PSD2: variants seen among roughly 807,000 people sequenced by gnomAD.
PSD2 encodes PH and SEC7 domain-containing protein 2.
Under a neutral mutation model 69.8 loss-of-function variants are expected in PSD2, and 38 were observed. The observed-to-expected ratio is 0.54, with a 90% CI of 0.42 to 0.71. PSD2 has a LOEUF of 0.71. Ranked by LOEUF, PSD2 falls within the 30% of genes least tolerant of loss-of-function variation. The pLI, the probability that PSD2 is intolerant of heterozygous loss-of-function variation, is 0.00. For synonymous variants in PSD2, 412 were observed against 423.0 expected (o/e 0.97, Z 0.32); for missense variants, 943 against 1,014.5 (o/e 0.93, Z 0.96).
chr5:139,838,597 G>T, intron 12 of PSD2, 31 bp from the exon 13 acceptor site: 1 of 1,602,928 alleles, frequency 6.2e-7, no homozygotes, highest in Non-Finnish European at 8.5e-7. Context: ...CTGTGTGAGA[G>T]GCCGGCACCC....
rs115969185 is a variant in PSD2 at position 139,808,865 on chromosome 5, G to C, written c.-50-526G>C. Among the ~76,000 whole-genome samples, 861 of 152,346 alleles carry C rather than the reference G, an allele frequency of 5.7e-3. 14 individuals carry two copies. The highest frequency in any genetic ancestry group is 0.019 in the African/African-American group (796 of 41,592). ...TTAGGCTGCGTCTGTTGACTTCCTT[G>C]CCTCCTCTCTTAACTCCTCCTTGAA... On this transcript the variant is annotated intron_variant, in intron 1 of 14. Coordinates refer to ENST00000274710, the MANE Select transcript of PSD2 (RefSeq NM_032289.4).
the PSD2 span, among the ~76,000 whole-genome samples, chr5:139,759,427 C>G: frequency 6.6e-6 from 1 of 152,102 alleles, no homozygotes; most frequent in South Asian, 2.1e-4. Context: ...TCACCCGTGT[C>G]GGGACGCACC....
intron 1 of PSD2, among the ~76,000 whole-genome samples, chr5:139,804,501 G>C (rs1371254777): frequency 6.6e-6 from 1 of 152,174 alleles, no homozygotes; most frequent in Non-Finnish European, 1.5e-5. Context: ...TGCACAAAGA[G>C]GTCCAGGACT....
chr5:139,840,264 G>T, intron 14 of PSD2, 94 bp downstream of exon 14: 1 of 1,384,616 alleles, frequency 7.2e-7, no homozygotes, highest in South Asian at 1.3e-5. Context: ...GAAGCCTAGT[G>T]ATAAAGGGGC....
chr5:139,792,907 CTTCT>C (rs1469562459), upstream of PSD2, among the ~76,000 whole-genome samples: 38 of 101,192 alleles, frequency 3.8e-4, no homozygotes, highest in African/African-American at 1.3e-3. Context: ...TCCTTCCTTC[CTTCT>C]TTCTTTCTTT....
chr5:139,806,307 G>A lies in PSD2; in HGVS notation c.-50-3084G>A, dbSNP rs568825429. On this transcript the variant is annotated intron_variant, in intron 1 of 14. Transcript: ENST00000274710. ...GAGGTGGGAAGGGCCACTGCTTTGG[G>A]CCAACTCTCTTGGTTGAGGGTTTGG... Among the ~76,000 whole-genome samples, 40 of 152,358 alleles carry A rather than the reference G, an allele frequency of 2.6e-4. No homozygotes were observed. The South Asian group carries it at 6.2e-3, about 24-fold the overall frequency.
chr5:139,827,997 G>A (rs913135509), intron 7 of PSD2, among the ~76,000 whole-genome samples: 3 of 152,062 alleles, frequency 2.0e-5, no homozygotes, highest in African/African-American at 4.8e-5. Flanking sequence ...AGGAGATGGG[G>A]GTCAGGAGTT....
At chr5:139,747,876 G>C in the PSD2 span, among the ~76,000 whole-genome samples, 2 of 152,212 alleles carry the variant, frequency 1.3e-5, no homozygotes, top group Admixed American at 1.3e-4. This position sits in a 1 kb window ranked among gnomAD's most constrained non-coding sequence, Gnocchi z 6.7. Context: ...GCGGTGCGCG[G>C]GGCTGGCAGG....
chr5:139,788,185 C>G, the PSD2 span, among the ~76,000 whole-genome samples: 13 of 151,842 alleles, frequency 8.6e-5, no homozygotes, highest in Admixed American at 2.6e-4. Flanking sequence ...CCGCGCCCCC[C>G]CCCGAACCCG....
chr5:139,833,984 C>T (rs1760654989), intron 8 of PSD2, among the ~76,000 whole-genome samples, 193 bp downstream of exon 8: 1 of 152,164 alleles, frequency 6.6e-6, no homozygotes, highest in African/African-American at 2.4e-5. Flanking sequence ...GAGGGTAAGG[C>T]TTTGTGAGAT....
Position 139,813,308 on chromosome 5 carries a change from G to T in PSD2, c.372-1G>T. 1 of 1,537,218 alleles carries T rather than the reference G, an allele frequency of 6.5e-7. No individual in the cohort carries two copies. Among genetic ancestry groups the T allele is most frequent in the East Asian group, 2.3e-5 (1 of 43,862 alleles). ...GGTGACTGGCTCCTTGCATCCCACA[G>T]GTTGGATGGTCCCGGGGAGCCAGAT... is the stretch of plus-strand genomic sequence containing the variant. On this transcript the variant is annotated splice_acceptor_variant, in intron 2 of 14. Transcript: ENST00000274710. LOFTEE classifies it high-confidence loss of function.
the PSD2 span, among the ~76,000 whole-genome samples, chr5:139,782,052 C>T: frequency 6.6e-6 from 1 of 152,204 alleles, no homozygotes; most frequent in African/African-American, 2.4e-5. Context: ...GGGGCGGGGG[C>T]AGTACTTATT....
rs964959248 is a variant in PSD2 at position 139,814,936 on chromosome 5, T to C, written c.1016+572T>C. The stretch of plus-strand genomic sequence containing the variant: ...GGACCGAGGAAGTCTGCCGGCACAT[T>C]CTGCTCACATCTGACCACCAGTGTG... On this transcript the variant is annotated intron_variant, in intron 4 of 14. Transcript: ENST00000274710. This position sits in a 1 kb window ranked among gnomAD's most constrained non-coding sequence, Gnocchi z 4.4. 2.0e-5 allele frequency among the ~76,000 whole-genome samples: 3 copies of C among 152,168 alleles called. No individual in the cohort carries two copies. The highest frequency in any genetic ancestry group is 2.9e-5 in the Non-Finnish European group (2 of 68,024).
chr5:139,810,335 A>C (rs1457652880), intron 2 of PSD2, among the ~76,000 whole-genome samples: 1 of 152,172 alleles, frequency 6.6e-6, no homozygotes, highest in African/African-American at 2.4e-5. Flanking sequence ...TCAGCAGGCA[A>C]TGGAGAGACC....
the PSD2 span, among the ~76,000 whole-genome samples, chr5:139,752,983 G>A: frequency 1.4e-4 from 21 of 151,990 alleles, no homozygotes; most frequent in African/African-American, 4.6e-4. Flanking sequence ...CCCTTTGAGG[G>A]AGAAAGGGGC....
chr5:139,837,730 A>G lies in PSD2; in HGVS notation c.1771A>G (p.Asn591Asp). ...GGCCTCTGACTACAGCAAGAAGTCC[A>G]ACGTGCTGAAGCTTAAGACAGCCGA... Reference protein sequence around the residue: ...TRASDYSKKSNVLKLKTADWR... With the variant: ...TRASDYSKKSDVLKLKTADWR... The change falls in exon 12 of 15, where the codon AAC becomes GAC. Residue 591 changes from asparagine to aspartate, a missense_variant. Coordinates refer to ENST00000274710, the MANE Select transcript of PSD2 (RefSeq NM_032289.4). This position sits in a 1 kb window ranked among gnomAD's most constrained non-coding sequence, Gnocchi z 5.0. 1 of 1,614,048 alleles carries G rather than the reference A, an allele frequency of 6.2e-7. No individual in the cohort carries two copies. Among genetic ancestry groups the G allele is most frequent in the African/African-American group, 1.3e-5 (1 of 75,050 alleles).
In PSD2 at chr5:139,832,906, C is replaced by G. The variant is rs559072362; in HGVS notation, c.1270-796C>G. On this transcript the variant is annotated intron_variant, in intron 7 of 14. Coordinates refer to ENST00000274710, the MANE Select transcript of PSD2 (RefSeq NM_032289.4). ...CATTGGTTAAAACAAGAAGGCAGAA[C>G]TTGGGGATTTAGTCATTTCCAGCTC... Among the ~76,000 whole-genome samples the G allele has an allele frequency of 2.6e-5, 4 of 152,230 alleles. No homozygotes were observed. The East Asian group carries it at 7.7e-4, about 29-fold the overall frequency.
upstream of PSD2, among the ~76,000 whole-genome samples, chr5:139,792,231 C>T (rs1421899011): frequency 3.3e-5 from 5 of 152,128 alleles, no homozygotes; most frequent in Non-Finnish European, 5.9e-5. Flanking sequence ...ATTGAGCTCT[C>T]TGGGATTGGC....
chr5:139,742,875 G>A, the PSD2 span, among the ~76,000 whole-genome samples: 1 of 152,236 alleles, frequency 6.6e-6, no homozygotes, highest in African/African-American at 2.4e-5. Context: ...CCAGCCTGGA[G>A]TGGGAGGGGG....
Sources: allele counts gnomAD v4.1 joint callset (sites outside exome capture counted in the v4.1 genomes callset), GRCh38; gene constraint gnomAD v4.1.1; non-coding constraint Gnocchi (gnomAD v3.1); transcripts MANE v1.5; gene names NCBI Gene and HGNC (gene_info 2026-07-23, HGNC 2026-07-21).